PVT1: variants seen among roughly 807,000 people sequenced by gnomAD.
PVT1 encodes the protein CXCR4/PVT1 fusion.
At chr8:128,062,700 A>AT (rs1253210987) in intron 4 of PVT1, among the ~76,000 whole-genome samples, 5 of 151,986 alleles carry the variant, frequency 3.3e-5, no homozygotes. Context: ...TTATTTGTGT[A>AT]TTTTTTTTCT....
intron 4 of PVT1, among the ~76,000 whole-genome samples, chr8:128,015,522 C>G (rs1212608321): frequency 6.6e-6 from 1 of 152,046 alleles, no homozygotes; most frequent in Non-Finnish European, 1.5e-5. Flanking sequence ...ACGTCTGTAA[C>G]CCCAGCACTT....
At chr8:127,827,281 C>G (rs1437331285) in intron 2 of PVT1, among the ~76,000 whole-genome samples, 1 of 152,122 alleles carries the variant, frequency 6.6e-6, no homozygotes, top group Admixed American at 6.5e-5. Context: ...CAGGCGTGAG[C>G]CACCACACCC....
At chr8:127,861,726 A>G (rs1351325184) in intron 2 of PVT1, among the ~76,000 whole-genome samples, 1 of 152,196 alleles carries the variant, frequency 6.6e-6, no homozygotes, top group Non-Finnish European at 1.5e-5. Flanking sequence ...AACCCCTTCT[A>G]CATGGGGTTG....
chr8:128,048,212 C>T (rs1813643257), intron 4 of PVT1, among the ~76,000 whole-genome samples: 1 of 152,184 alleles, frequency 6.6e-6, no homozygotes, highest in African/African-American at 2.4e-5. Flanking sequence ...ATTGGTATCT[C>T]CAAGGCCAAG....
At position 127,898,196 on chromosome 8, in the gene PVT1, C is replaced by T. The variant is rs1471664881; in HGVS notation, n.782+7198C>T. 7.0e-6 allele frequency among the ~76,000 whole-genome samples: 1 copy of T among 142,262 alleles called. No homozygotes were observed. The highest frequency in any genetic ancestry group is 1.5e-5 in the Non-Finnish European group (1 of 66,290). 93.3% of individuals were successfully genotyped at this position (142,262 alleles called of 152,430 possible). Reference sequence around the variant, plus strand: ...AAATATACTCTGTCCTTTGTACCTGCGTGAAGAAAGAAGAGAAAAGAAAGA... The same window carrying T: ...AAATATACTCTGTCCTTTGTACCTGTGTGAAGAAAGAAGAGAAAAGAAAGA... On this transcript the variant is annotated intron_variant and non_coding_transcript_variant, in intron 3 of 10. Transcript: ENST00000651587. The surrounding 1 kb of genome is among the most constrained non-coding windows in gnomAD (Gnocchi z 4.4).
At chr8:128,020,057 T>G (rs1255748922) in intron 4 of PVT1, among the ~76,000 whole-genome samples, 2 of 68,926 alleles carry the variant, frequency 2.9e-5, no homozygotes, top group Non-Finnish European at 5.5e-5. Flanking sequence ...TCACTGAGGC[T>G]GGGTAAAGTC....
At chr8:128,055,284 G>A (rs1813750124) in intron 4 of PVT1, among the ~76,000 whole-genome samples, 2 of 152,048 alleles carry the variant, frequency 1.3e-5, no homozygotes, top group Non-Finnish European at 2.9e-5. Flanking sequence ...AAAAACCTTG[G>A]ACATCATAAT....
At chr8:127,849,561 G>A (rs1032534027) in intron 2 of PVT1, among the ~76,000 whole-genome samples, 1 of 152,238 alleles carries the variant, frequency 6.6e-6, no homozygotes, top group Admixed American at 6.5e-5. Flanking sequence ...GGTAAAAAGA[G>A]GTGGAATAAG....
rs1586442484 is a variant in PVT1 at position 127,932,697 on chromosome 8, C to T, written n.782+41699C>T. 7.7e-6 allele frequency: 3 copies of T among 391,806 alleles called. No individual in the cohort carries two copies. In the South Asian group the frequency reaches 4.3e-4, roughly 56 times the overall value. The allele number at this position is 391,806 out of a possible 1,614,324, so 24.3% of individuals were successfully genotyped here. A position where few individuals can be genotyped will look rare whatever the true frequency, so the allele number is the denominator to read the frequency against. On this transcript the variant is annotated intron_variant and non_coding_transcript_variant, in intron 3 of 10. Transcript: ENST00000651587. ...GCTAATAAAAAATAAAAAATAAAAA[C>T]ATAATACACGTTATATTTCTATCTT...
chr8:127,886,806 CTA>C (rs1377987430), intron 2 of PVT1, among the ~76,000 whole-genome samples: 6 of 152,124 alleles, frequency 3.9e-5, no homozygotes, highest in Non-Finnish European at 5.9e-5. Context: ...GTCCCCATAA[CTA>C]TCTTTTTTCT....
chr8:127,921,854 G>GTTTTTTTTTT lies in PVT1; in HGVS notation n.782+30871_782+30880dup, dbSNP rs71300279. ...AAAAAAATTATAATTTTTGGTTCAT[G>GTTTTTTTTTT]TTTTTTTTTTTTTTTTTTTTTTTTG... On this transcript the variant is annotated intron_variant and non_coding_transcript_variant, in intron 3 of 10. Coordinates refer to ENST00000651587, the Ensembl canonical transcript of PVT1. Among the ~76,000 whole-genome samples the GTTTTTTTTTT allele has an allele frequency of 1.5e-3, 105 of 71,924 alleles. 11 individuals carry two copies. The highest frequency in any genetic ancestry group is 2.0e-3 in the Non-Finnish European group (88 of 43,630). 47.2% of individuals were successfully genotyped at this position (71,924 alleles called of 152,430 possible).
chr8:127,950,475 C>T (rs1475252266), intron 3 of PVT1, among the ~76,000 whole-genome samples: 1 of 152,248 alleles, frequency 6.6e-6, no homozygotes, highest in Non-Finnish European at 1.5e-5. Context: ...ACCACTGCTC[C>T]ACGCTGCCTC....
intron 3 of PVT1, among the ~76,000 whole-genome samples, chr8:127,922,986 G>A (rs1378088778): frequency 6.6e-6 from 1 of 152,182 alleles, no homozygotes; most frequent in Admixed American, 6.5e-5. Context: ...AAACTGCTAA[G>A]CCCTGACCCA....
rs1189972810 is a variant in PVT1 at position 127,968,789 on chromosome 8, G to T, written n.783-20373G>T. ...AATCCAATGAAGGATGTTTTTCTAA[G>T]AGAAAGGACACGTGGATACAGACAC... On this transcript the variant is annotated intron_variant and non_coding_transcript_variant, in intron 3 of 10. Transcript: ENST00000651587. 1.3e-5 allele frequency among the ~76,000 whole-genome samples: 2 copies of T among 152,132 alleles called. 1 individual carries two copies. Among genetic ancestry groups the T allele is most frequent in the African/African-American group, 4.8e-5 (2 of 41,430 alleles).
intron 3 of PVT1, among the ~76,000 whole-genome samples, chr8:127,956,564 A>G (rs1816571759): frequency 6.6e-6 from 1 of 152,208 alleles, no homozygotes; most frequent in Non-Finnish European, 1.5e-5. Context: ...GGCTCACTGT[A>G]ACCTCTGCCT....
chr8:127,809,205 T>G (rs915051911), intron 2 of PVT1, among the ~76,000 whole-genome samples: 3 of 152,028 alleles, frequency 2.0e-5, no homozygotes, highest in African/African-American at 7.3e-5. Context: ...ATTTTTTTCT[T>G]TTTGGAGACA....
intron 2 of PVT1, among the ~76,000 whole-genome samples, chr8:127,873,806 C>T (rs142124972): frequency 0.016 from 2,407 of 152,320 alleles, 237 homozygotes; most frequent in Admixed American, 0.15. Flanking sequence ...ATCAATGATT[C>T]TGTGTTGTCC....
exon 2 of PVT1, chr8:127,795,973 T>TG (rs1266403333): frequency 5.9e-6 from 1 of 170,440 alleles, no homozygotes; most frequent in Non-Finnish European, 1.5e-5. Context: ...CCTCGTGGCC[T>TG]GGTCTCCATT....
chr8:128,076,921 C>T (rs1814098326), intron 5 of PVT1, among the ~76,000 whole-genome samples: 1 of 152,172 alleles, frequency 6.6e-6, no homozygotes, highest in Admixed American at 6.5e-5. Context: ...TGCTGAGCTG[C>T]CATGATTCAC....
Sources: gnomAD v4.1 joint callset for allele counts (sites outside exome capture counted in the v4.1 genomes callset) on GRCh38, gnomAD v4.1.1 for gene constraint, Gnocchi (gnomAD v3.1) non-coding constraint, MANE v1.5 for transcripts, NCBI Gene and HGNC (gene_info 2026-07-23, HGNC 2026-07-21) for gene names.